The following FAM20A variants were observed in gnomAD, a reference collection of about 807,000 sequenced individuals.
FAM20A encodes FAM20A golgi associated secretory pathway pseudokinase.
FAM20A carries 42 observed loss-of-function variants against 52.0 expected under a neutral mutation model. That is an observed-to-expected ratio of 0.81 (90% CI 0.63 to 1.04). The LOEUF is 1.04. Ranked by LOEUF, FAM20A falls within the 50% of genes least tolerant of loss-of-function variation. The pLI is 0.00. For synonymous variants in FAM20A, 304 were observed against 298.9 expected, an observed-to-expected ratio of 1.02 and a Z score of -0.18; for missense variants, 742 against 712.7, an observed-to-expected ratio of 1.04 and a Z score of -0.47.
intron 1 of FAM20A, among the ~76,000 whole-genome samples, chr17:68,573,314 G>C (rs2087617460): frequency 6.6e-6 from 1 of 152,174 alleles, no homozygotes. Context: ...GAATTTTAGT[G>C]AGGATTAAAT....
chr17:68,579,638 A>G lies in FAM20A; in HGVS notation c.404+20625T>C, dbSNP rs531837862. ...TGAAATCGGAGTGGCTTTTCAAAACAAGAGCTTATTTCTCACTCATGCTAC... is the reference window on the plus strand; with the variant it reads ...TGAAATCGGAGTGGCTTTTCAAAACGAGAGCTTATTTCTCACTCATGCTAC... On this transcript the variant is annotated intron_variant, in intron 1 of 10. Transcript: ENST00000592554. 3.2e-4 allele frequency among the ~76,000 whole-genome samples: 49 copies of G among 152,310 alleles called. 1 individual carries two copies. Among genetic ancestry groups the G allele is most frequent in the Non-Finnish European group, 6.2e-4 (42 of 68,032 alleles).
At chr17:68,546,794 G>C (rs1001393744) in intron 4 of FAM20A, among the ~76,000 whole-genome samples, 58 of 145,552 alleles carry the variant, frequency 4.0e-4, no homozygotes, top group Non-Finnish European at 6.0e-4. Flanking sequence ...TGAGCCACTG[G>C]ACTCCAGCCT....
At chr17:68,565,934 T>C (rs928525823) in intron 1 of FAM20A, among the ~76,000 whole-genome samples, 2 of 152,170 alleles carry the variant, frequency 1.3e-5, no homozygotes, top group African/African-American at 4.8e-5. Context: ...ATTCCTACTT[T>C]AGCATTTCCC....
chr17:68,595,541 G>A (rs772937675), intron 1 of FAM20A, among the ~76,000 whole-genome samples: 6 of 152,310 alleles, frequency 3.9e-5, no homozygotes, highest in Non-Finnish European at 7.4e-5. Context: ...TGGGAGAAAT[G>A]GGAAATGGAA....
chr17:68,542,152 GCA>G lies in FAM20A; in HGVS notation c.940_941del (p.Cys314LeufsTer65). 11 of 1,614,018 alleles carry G rather than the reference GCA, an allele frequency of 6.8e-6. No individual in the cohort carries two copies. The highest frequency in any genetic ancestry group is 9.3e-6 in the Non-Finnish European group (11 of 1,180,020). ...ACATGTATGGACACTTGGCGAAGAA[GCA>G]CACGTTGCTCGCTGGAGGATGGGGA... ...VFFVSPASNVCFFAKCPYMCK... is the reference protein window; with the variant it reads ...VFFVSPASNVXFFAKCPYMCK... On this transcript the variant is annotated frameshift_variant, in exon 7 of 11. Transcript: ENST00000592554. LOFTEE classifies it high-confidence loss of function.
chr17:68,546,701 G>A (rs568720916), intron 4 of FAM20A, among the ~76,000 whole-genome samples: 27 of 151,798 alleles, frequency 1.8e-4, no homozygotes, highest in Non-Finnish European at 3.8e-4. Flanking sequence ...ATGGTGGCCG[G>A]CGCCTGTAGT....
intron 1 of FAM20A, among the ~76,000 whole-genome samples, chr17:68,560,512 C>A (rs2087184366): frequency 6.6e-6 from 1 of 152,104 alleles, no homozygotes; most frequent in South Asian, 2.1e-4. Context: ...AAATAAATTT[C>A]TTTTGTTTAT....
intron 1 of FAM20A, among the ~76,000 whole-genome samples, chr17:68,569,830 G>A (rs146699143): frequency 0.011 from 1,718 of 152,202 alleles, 25 homozygotes; most frequent in African/African-American, 0.038. Context: ...TTGCCTCCTC[G>A]TTTGTCTCAT....
At chr17:68,591,260 G>A (rs1205432956) in intron 1 of FAM20A, among the ~76,000 whole-genome samples, 4 of 152,116 alleles carry the variant, frequency 2.6e-5, no homozygotes, top group Admixed American at 6.5e-5. Context: ...CGCCACGCCC[G>A]GTTAATTTTT....
At chr17:68,559,138 C>T (rs11870054) in intron 1 of FAM20A, among the ~76,000 whole-genome samples, 4 of 152,144 alleles carry the variant, frequency 2.6e-5, no homozygotes, top group African/African-American at 7.2e-5. Context: ...GGGTGTTGTT[C>T]TAAGTGTCTA....
intron 2 of FAM20A, 97 bp downstream of exon 2, chr17:68,555,462 G>T: frequency 7.5e-7 from 1 of 1,332,606 alleles, no homozygotes; most frequent in Non-Finnish European, 1.1e-6. Flanking sequence ...TCCATGTCAA[G>T]CCTCTAATGT....
chr17:68,595,985 C>A (rs1405843907), intron 1 of FAM20A, among the ~76,000 whole-genome samples: 1 of 152,106 alleles, frequency 6.6e-6, no homozygotes, highest in African/African-American at 2.4e-5. Flanking sequence ...TCTTCTCCAC[C>A]CTTCTCCTCT....
At position 68,537,468 on chromosome 17, in the gene FAM20A, T is replaced by C. The variant is rs1249747100; in HGVS notation, c.*9A>G. The C allele has an allele frequency of 6.2e-7, 1 of 1,613,986 alleles. No individual in the cohort carries two copies. The highest frequency in any genetic ancestry group is 8.5e-7 in the Non-Finnish European group (1 of 1,180,032). ...AGGCGTATTTTCTGAAACTGGACTC[T>C]GCCAGCCCTTAGCTTGTCAAGTTAG... On this transcript the variant is annotated 3_prime_UTR_variant, in exon 11 of 11. Coordinates refer to ENST00000592554, the MANE Select transcript of FAM20A (RefSeq NM_017565.4). This position sits in a 1 kb window ranked among gnomAD's most constrained non-coding sequence, Gnocchi z 4.2.
intron 3 of FAM20A, among the ~76,000 whole-genome samples, chr17:68,553,388 T>C (rs1044229390): frequency 1.3e-5 from 2 of 152,202 alleles, no homozygotes; most frequent in Non-Finnish European, 2.9e-5. Flanking sequence ...AGTGTAAAAA[T>C]GGACTAATAC....
chr17:68,571,770 T>C (rs2087541265), intron 1 of FAM20A, among the ~76,000 whole-genome samples: 1 of 151,916 alleles, frequency 6.6e-6, no homozygotes, highest in African/African-American at 2.4e-5. Context: ...GATTCAGGTT[T>C]TGTGAGACCT....
chr17:68,595,451 T>A (rs567154949), intron 1 of FAM20A, among the ~76,000 whole-genome samples: 2 of 152,128 alleles, frequency 1.3e-5, no homozygotes, highest in African/African-American at 4.8e-5. Context: ...AGTGGAGAGG[T>A]TTCCTCCAAC....
intron 1 of FAM20A, among the ~76,000 whole-genome samples, chr17:68,587,296 A>G (rs1415498363): frequency 6.6e-6 from 1 of 152,236 alleles, no homozygotes; most frequent in Non-Finnish European, 1.5e-5. Flanking sequence ...TAGTGCAGCA[A>G]AGTGTGTAGC....
At position 68,557,886 on chromosome 17, in the gene FAM20A, G is replaced by C. The variant is rs953749675; in HGVS notation, c.405-2143C>G. ...TATGGTAAGCAGGATTCTAAAACTG[G>C]CCTCTAAGATTCCATGCCCTCATTT... On this transcript the variant is annotated intron_variant, in intron 1 of 10. Transcript: ENST00000592554. Among the ~76,000 whole-genome samples, 3 of 152,224 alleles carry C rather than the reference G, an allele frequency of 2.0e-5. No individual in the cohort carries two copies. In the East Asian group the frequency reaches 5.8e-4, roughly 29 times the overall value.
At chr17:68,576,851 C>T (rs1418976512) in intron 1 of FAM20A, among the ~76,000 whole-genome samples, 1 of 152,186 alleles carries the variant, frequency 6.6e-6, no homozygotes, top group East Asian at 1.9e-4. Flanking sequence ...GTCAAAATGG[C>T]CCCAGGCTGA....
Sources: gnomAD v4.1 joint callset for allele counts (sites outside exome capture counted in the v4.1 genomes callset) on GRCh38, gnomAD v4.1.1 for gene constraint, Gnocchi (gnomAD v3.1) non-coding constraint, MANE v1.5 for transcripts, NCBI Gene and HGNC (gene_info 2026-07-23, HGNC 2026-07-21) for gene names.